Variants in RBM34 observed in about 807,000 individuals in gnomAD.
RBM34 encodes the protein RNA-binding protein 34.
Under a neutral mutation model 44.6 loss-of-function variants are expected in RBM34, and 39 were observed. The ratio of observed to expected loss-of-function variants is 0.87; its 90% CI spans 0.68 to 1.14. The LOEUF is 1.14. Ranked by LOEUF, RBM34 falls within the 50% of genes most tolerant of loss-of-function variation. The pLI is 0.00. For missense variants in RBM34, 572 were observed against 517.9 expected (o/e 1.10, Z -1.01); for synonymous variants, 194 against 184.0 (o/e 1.05, Z -0.44).
intron 8 of RBM34, among the ~76,000 whole-genome samples, chr1:235,137,250 C>G (rs868036861): frequency 6.6e-6 from 1 of 152,232 alleles, no homozygotes; most frequent in Admixed American, 6.5e-5. Context: ...GCATCTCTGA[C>G]AGAGTGTGTA....
At chr1:235,154,841 G>A (rs750628437) in intron 4 of RBM34, 40 bp downstream of exon 4, 2 of 1,501,764 alleles carry the variant, frequency 1.3e-6, no homozygotes, top group East Asian at 4.5e-5. Context: ...GAAGAACAAA[G>A]TTATTAACTT....
chr1:235,146,370 T>C (rs1172104063), intron 6 of RBM34, among the ~76,000 whole-genome samples: 1 of 152,090 alleles, frequency 6.6e-6, no homozygotes, highest in Non-Finnish European at 1.5e-5. Context: ...TTTTAAAAAA[T>C]GCTATAAAAA....
chr1:235,160,577 T>C lies in RBM34; in HGVS notation c.299A>G (p.Gln100Arg), dbSNP rs1416567704. 1.2e-6 allele frequency: 2 copies of C among 1,614,140 alleles called. No individual in the cohort carries two copies. Among genetic ancestry groups the C allele is most frequent in the Non-Finnish European group, 1.7e-6 (2 of 1,180,006 alleles). Residue 100 changes from glutamine to arginine, a missense_variant, in exon 3 of 11, where the codon CAA becomes CGA. Gln to Arg is a conservative substitution (Grantham distance 43). Coordinates refer to ENST00000408888, the MANE Select transcript of RBM34 (RefSeq NM_015014.4). ...STSQIERPLSQEPAKKVKAKK... is the reference protein window; with the variant it reads ...STSQIERPLSREPAKKVKAKK... ...CGCTTTCACTTTTTTGGCAGGTTCTTGCGAAAGTGGTCTTTCAATCTGGGA... is the reference window on the plus strand; with the variant it reads ...CGCTTTCACTTTTTTGGCAGGTTCTCGCGAAAGTGGTCTTTCAATCTGGGA...
chr1:235,152,429 C>T (rs1476215542), intron 5 of RBM34: 10 of 1,055,776 alleles, frequency 9.5e-6, no homozygotes, highest in Non-Finnish European at 1.2e-5. Flanking sequence ...TCAGTCTATT[C>T]TGCTGACACA....
chr1:235,152,986 C>T (rs564837802), intron 4 of RBM34, among the ~76,000 whole-genome samples: 1 of 150,966 alleles, frequency 6.6e-6, no homozygotes, highest in African/African-American at 2.4e-5. Flanking sequence ...TCTCATACCT[C>T]AGCCTCCCAA....
intron 4 of RBM34, among the ~76,000 whole-genome samples, chr1:235,153,059 G>C (rs534443364): frequency 6.6e-6 from 1 of 151,922 alleles, no homozygotes; most frequent in Non-Finnish European, 1.5e-5. Context: ...TAGTAGAGAC[G>C]GGGTTTCGCC....
chr1:235,155,527 C>T (rs112183190), intron 3 of RBM34, among the ~76,000 whole-genome samples: 97 of 137,972 alleles, frequency 7.0e-4, no homozygotes, highest in African/African-American at 2.3e-3. Context: ...TTTTTTGAGA[C>T]GGAGTTTTGC....
intron 5 of RBM34, among the ~76,000 whole-genome samples, chr1:235,149,939 C>T (rs1662086143): frequency 6.6e-6 from 1 of 152,162 alleles, no homozygotes; most frequent in Admixed American, 6.5e-5. Flanking sequence ...CATAGTCAAA[C>T]TCTCAAACCT....
chr1:235,131,985 C>CCTT lies in RBM34; in HGVS notation c.1020_1021insAAG (p.Ser340_Val341insLys). 6.3e-7 allele frequency: 1 copy of CCTT among 1,597,646 alleles called. No homozygotes were observed. On this transcript the variant is annotated inframe_insertion, in exon 11 of 11. Coordinates refer to ENST00000408888, the MANE Select transcript of RBM34 (RefSeq NM_015014.4). ...TTATTTAATTTCAGAGCAAGATGAA[C>CCTT]AGAATCTGTATTCTGCAAAAGAAAA...
At chr1:235,140,823 C>T (rs1464166049) in intron 6 of RBM34, among the ~76,000 whole-genome samples, 1 of 152,214 alleles carries the variant, frequency 6.6e-6, no homozygotes, top group African/African-American at 2.4e-5. Flanking sequence ...CCAATCAGCA[C>T]CCTGTGTCTA....
At chr1:235,134,402 C>G (rs916860731) in intron 10 of RBM34, among the ~76,000 whole-genome samples, 7 of 152,172 alleles carry the variant, frequency 4.6e-5, no homozygotes, top group Admixed American at 1.3e-4. Context: ...GTTAATCAAT[C>G]CTCTCGCCTC....
chr1:235,157,981 T>C (rs911048239), intron 3 of RBM34, among the ~76,000 whole-genome samples: 1 of 151,484 alleles, frequency 6.6e-6, no homozygotes, highest in Non-Finnish European at 1.5e-5. Context: ...AGACTACTTT[T>C]CTTAAAAGCT....
chr1:235,143,758 A>G (rs1661785687), intron 6 of RBM34, among the ~76,000 whole-genome samples: 2 of 152,168 alleles, frequency 1.3e-5, no homozygotes, highest in South Asian at 4.1e-4. Flanking sequence ...AGTACAATAC[A>G]GTACAATACA....
Position 235,135,724 on chromosome 1 carries a change from A to G in RBM34, c.936T>C (p.Ser312=), listed in dbSNP as rs764186477. Residue 312 remains serine, a synonymous_variant, in exon 10 of 11, where the codon AGT becomes AGC. Coordinates refer to ENST00000408888, the MANE Select transcript of RBM34 (RefSeq NM_015014.4). ...CTCTCACAATCCTCACGGCCATGAT[A>G]CTTCCACAGTCCAGAAAGTGCTTCT... ...AIEKHFLDCG[S]IMAVRIVRDK... 1.2e-6 allele frequency: 2 copies of G among 1,614,084 alleles called. No individual in the cohort carries two copies. Among genetic ancestry groups the G allele is most frequent in the East Asian group, 2.2e-5 (1 of 44,896 alleles).
chr1:235,152,034 C>CA lies in RBM34; in HGVS notation c.657+671dup, dbSNP rs11350971. 7.4e-5 allele frequency among the ~76,000 whole-genome samples: 11 copies of CA among 148,340 alleles called. No homozygotes were observed. In the East Asian group the frequency reaches 1.0e-3, roughly 14 times the overall value. ...GGTGAGACACAGCGAGACTCTGTCT[C>CA]AAAAAAAAAAATAGAATAAACATTT... On this transcript the variant is annotated intron_variant, in intron 5 of 10. Coordinates refer to ENST00000408888, the MANE Select transcript of RBM34 (RefSeq NM_015014.4).
Position 235,131,736 on chromosome 1 carries a change from T to C in RBM34, c.1270A>G (p.Lys424Glu), listed in dbSNP as rs953630468. Reference protein sequence around the residue: ...KKGQKKSGRPKKQRKQK With the variant: ...KKGQKKSGRPEKQRKQK Reference sequence around the variant, plus strand: ...TGTTATTTCTGTTTTCTCTGTTTCTTAGGGCGTCCACTTTTCTTCTGTCCT... The same window carrying C: ...TGTTATTTCTGTTTTCTCTGTTTCTCAGGGCGTCCACTTTTCTTCTGTCCT... Residue 424 changes from lysine (K) to glutamate (E), a missense_variant, in exon 11 of 11, where the codon AAG becomes GAG. By Grantham distance (56) the Lys-to-Glu change is moderately conservative (BLOSUM62 1). Coordinates refer to ENST00000408888, the MANE Select transcript of RBM34 (RefSeq NM_015014.4). 1.9e-6 allele frequency: 3 copies of C among 1,600,588 alleles called. No individual in the cohort carries two copies. The highest frequency in any genetic ancestry group is 1.4e-5 in the African/African-American group (1 of 73,780).
intron 8 of RBM34, among the ~76,000 whole-genome samples, chr1:235,136,372 T>C (rs1661433502): frequency 6.6e-6 from 1 of 152,226 alleles, no homozygotes; most frequent in Non-Finnish European, 1.5e-5. Flanking sequence ...ATAGCAAATA[T>C]TATAGGCTTG....
Position 235,155,061 on chromosome 1 carries a change from T to G in RBM34, c.417A>C (p.Gln139His). Residue 139 changes from glutamine (Q) to histidine (H), a missense_variant, in exon 4 of 11, where the codon CAA becomes CAC. By Grantham distance (24) the Gln-to-His change is conservative. Coordinates refer to ENST00000408888, the MANE Select transcript of RBM34 (RefSeq NM_015014.4). ...ADLEEEIHQK[Q>H]GQKRKNSQPG... The stretch of plus-strand genomic sequence containing the variant: ...GTTGAGAATTTTTCCTTTTCTGCCC[T>G]TGTTTCTGGTGAATTTCTTCTTCTA... The G allele has an allele frequency of 6.2e-7, 1 of 1,613,946 alleles. No individual in the cohort carries two copies. The highest frequency in any genetic ancestry group is 2.2e-5 in the East Asian group (1 of 44,870).
intron 6 of RBM34, among the ~76,000 whole-genome samples, chr1:235,145,241 C>CA: frequency 6.6e-6 from 1 of 151,744 alleles, no homozygotes; most frequent in East Asian, 1.9e-4. Context: ...TTAGAAATAC[C>CA]ACACTCAGGT....
Sources: allele counts gnomAD v4.1 joint callset (sites outside exome capture counted in the v4.1 genomes callset), GRCh38; gene constraint gnomAD v4.1.1; transcripts MANE v1.5; gene names NCBI Gene and HGNC (gene_info 2026-07-23, HGNC 2026-07-21).